Variants in FAM135B observed in about 807,000 individuals in gnomAD.
FAM135B encodes the protein family with sequence similarity 135 member B.
In FAM135B, 43 loss-of-function variants were observed where a neutral mutation model predicts 127.7. That is an observed-to-expected ratio of 0.34 (90% CI 0.26 to 0.43). The LOEUF is 0.43. Among genes scored for constraint, FAM135B ranks in the 20% least tolerant of loss-of-function variants. FAM135B has a pLI of 1.00. For missense variants in FAM135B, 1,558 were observed against 1,725.6 expected (o/e 0.90, Z 1.72); for synonymous variants, 670 against 665.1 (o/e 1.01, Z -0.11).
At chr8:138,392,333 G>A (rs557866139) in intron 1 of FAM135B, among the ~76,000 whole-genome samples, 1 of 152,316 alleles carries the variant, frequency 6.6e-6, no homozygotes, top group Admixed American at 6.5e-5. Flanking sequence ...TGCTTCCTGT[G>A]AAGATAATAG....
intron 1 of FAM135B, among the ~76,000 whole-genome samples, chr8:138,427,891 T>G (rs1278403311): frequency 2.0e-5 from 3 of 152,192 alleles, no homozygotes; most frequent in Non-Finnish European, 4.4e-5. Flanking sequence ...CCCATGGATT[T>G]CTCCACCTGG....
At chr8:138,237,886 A>G (rs4909409) in intron 7 of FAM135B, among the ~76,000 whole-genome samples, 5 of 151,940 alleles carry the variant, frequency 3.3e-5, no homozygotes, top group Admixed American at 3.3e-4. Context: ...CACATTCACA[A>G]ACACACATAT....
At chr8:138,178,889 T>A (rs977912030) in intron 9 of FAM135B, among the ~76,000 whole-genome samples, 199 bp from the exon 10 acceptor site, 1 of 152,132 alleles carries the variant, frequency 6.6e-6, no homozygotes, top group Admixed American at 6.5e-5. Context: ...AAGACAGCAA[T>A]GGCAACAATA....
At chr8:138,318,696 T>C (rs1563893220) in intron 2 of FAM135B, among the ~76,000 whole-genome samples, 1 of 152,220 alleles carries the variant, frequency 6.6e-6, no homozygotes, top group Non-Finnish European at 1.5e-5. Flanking sequence ...ACGTCTCTTT[T>C]ATGGCTGATT....
rs188986491 is a variant in FAM135B at position 138,425,882 on chromosome 8, C to T, written c.-19-57880G>A. 5.1e-3 allele frequency among the ~76,000 whole-genome samples: 774 copies of T among 150,326 alleles called. 6 individuals are homozygous for T. The highest frequency in any genetic ancestry group is 0.018 in the African/African-American group (731 of 41,042). On this transcript the variant is annotated intron_variant, in intron 1 of 19. Coordinates refer to ENST00000395297, the MANE Select transcript of FAM135B (RefSeq NM_015912.4). ...TATACTATGGGGTCTGTCGTGGAGGCTCATGCCTGTAATCTCAGCACTTTG... is the reference window on the plus strand; with the variant it reads ...TATACTATGGGGTCTGTCGTGGAGGTTCATGCCTGTAATCTCAGCACTTTG...
At chr8:138,425,964 C>CATTATATAT in intron 1 of FAM135B, among the ~76,000 whole-genome samples, 1 of 110,008 alleles carries the variant, frequency 9.1e-6, no homozygotes, top group East Asian at 5.4e-4. Context: ...GCCAGGCCAA[C>CATTATATAT]ATATATATAT....
At chr8:138,153,596 C>T (rs887789832) in intron 12 of FAM135B, among the ~76,000 whole-genome samples, 1 of 152,230 alleles carries the variant, frequency 6.6e-6, no homozygotes, top group Non-Finnish European at 1.5e-5. Flanking sequence ...CCTAATACTG[C>T]ACTTTTCCAA....
chr8:138,215,015 A>G (rs956044528), intron 7 of FAM135B, among the ~76,000 whole-genome samples: 1 of 152,236 alleles, frequency 6.6e-6, no homozygotes, highest in African/African-American at 2.4e-5. Flanking sequence ...TAACGTAGAC[A>G]TAAGAGAGAA....
At chr8:138,158,312 A>G (rs867808450) in intron 12 of FAM135B, among the ~76,000 whole-genome samples, 1 of 152,252 alleles carries the variant, frequency 6.6e-6, no homozygotes, top group Non-Finnish European at 1.5e-5. Flanking sequence ...AAGATGGATT[A>G]AAGACTTAAA....
rs748433660 is a variant in FAM135B, at chr8:138,141,345, T to C, written c.3643A>G (p.Ile1215Val). 1 of 1,614,032 alleles carries C rather than the reference T, an allele frequency of 6.2e-7. No individual in the cohort carries two copies. The highest frequency in any genetic ancestry group is 8.5e-7 in the Non-Finnish European group (1 of 1,179,988). Residue 1215 changes from isoleucine (I) to valine (V), a missense_variant, in exon 17 of 20, where the codon ATT becomes GTT. Around this residue, in one of 5 missense-constraint regions of FAM135B, gnomAD observed 194 missense variants for 333.8 expected, o/e 0.58. Coordinates refer to ENST00000395297, the MANE Select transcript of FAM135B (RefSeq NM_015912.4). The surrounding 1 kb of genome is among the most constrained non-coding windows in gnomAD (Gnocchi z 4.7). ...ATGATGTTGCCAAGAGAATGGCCAA[T>C]GAAGCTGTGGAGAAACAGAAGGGGT... ...YNLSISRISF[I>V]GHSLGNIIIR...
chr8:138,393,673 C>G (rs1190858631), intron 1 of FAM135B, among the ~76,000 whole-genome samples: 1 of 152,256 alleles, frequency 6.6e-6, no homozygotes, highest in Non-Finnish European at 1.5e-5. Context: ...CTGGAGCCTT[C>G]AGGCAGTTTA....
intron 2 of FAM135B, among the ~76,000 whole-genome samples, chr8:138,362,181 G>A (rs1830459623): frequency 6.6e-6 from 1 of 151,280 alleles, no homozygotes; most frequent in South Asian, 2.1e-4. Context: ...ATTGACTATA[G>A]TCACTCTGTT....
At chr8:138,202,582 T>C (rs1368710249) in intron 7 of FAM135B, among the ~76,000 whole-genome samples, 1 of 152,192 alleles carries the variant, frequency 6.6e-6, no homozygotes, top group South Asian at 2.1e-4. Flanking sequence ...TTACTACCAA[T>C]GTCACCTTGG....
In FAM135B at chr8:138,241,369, C is replaced by G. The variant is rs1015712953; in HGVS notation, c.669+1573G>C. 6.6e-6 allele frequency among the ~76,000 whole-genome samples: 1 copy of G among 152,214 alleles called. No homozygotes were observed. Among genetic ancestry groups the G allele is most frequent in the African/African-American group, 2.4e-5 (1 of 41,456 alleles). Reference sequence around the variant, plus strand: ...ACCCTGGAACTGGTCTTATTTGGCTCTAAAATCTGCTCCTTCCATGGCACA... The same window carrying G: ...ACCCTGGAACTGGTCTTATTTGGCTGTAAAATCTGCTCCTTCCATGGCACA... On this transcript the variant is annotated intron_variant, in intron 7 of 19. Coordinates refer to ENST00000395297, the MANE Select transcript of FAM135B (RefSeq NM_015912.4). This position sits in a 1 kb window ranked among gnomAD's most constrained non-coding sequence, Gnocchi z 4.8.
intron 4 of FAM135B, among the ~76,000 whole-genome samples, chr8:138,259,097 T>C (rs1822344908): frequency 6.6e-6 from 1 of 152,216 alleles, no homozygotes; most frequent in Admixed American, 6.5e-5. Flanking sequence ...AGGCTCCCTG[T>C]GGTAAAGGCA....
rs200552256 is a variant in FAM135B at position 138,243,737 on chromosome 8, T to A, written c.543-669A>T. Among the ~76,000 whole-genome samples the A allele has an allele frequency of 4.6e-5, 7 of 152,218 alleles. No homozygotes were observed. The highest frequency in any genetic ancestry group is 1.7e-4 in the African/African-American group (7 of 41,468). On this transcript the variant is annotated intron_variant, in intron 6 of 19. Coordinates refer to ENST00000395297, the MANE Select transcript of FAM135B (RefSeq NM_015912.4). The surrounding 1 kb of genome is among the most constrained non-coding windows in gnomAD (Gnocchi z 7.5). ...GGAAAAGATGTGTGATTATTCAAAT[T>A]TATCATATTTGAGTTTATGATCATC...
chr8:138,180,820 TG>T (rs1173336884), intron 9 of FAM135B, among the ~76,000 whole-genome samples: 4 of 152,106 alleles, frequency 2.6e-5, no homozygotes, highest in African/African-American at 7.2e-5. Flanking sequence ...AACCCCAAAA[TG>T]AGGGAATCGC....
At chr8:138,474,410 T>C (rs750243205) in intron 1 of FAM135B, among the ~76,000 whole-genome samples, 43 of 152,080 alleles carry the variant, frequency 2.8e-4, no homozygotes, top group Non-Finnish European at 5.1e-4. Context: ...TGAGAAAAGG[T>C]CAAGAGTTCA....
At chr8:138,316,472 C>T (rs942777594) in intron 2 of FAM135B, among the ~76,000 whole-genome samples, 12 of 151,106 alleles carry the variant, frequency 7.9e-5, no homozygotes, top group African/African-American at 1.5e-4. Flanking sequence ...CCCGCCTGGG[C>T]GACAGAACGA....
Sources: allele counts gnomAD v4.1 joint callset (sites outside exome capture counted in the v4.1 genomes callset), GRCh38; gene constraint gnomAD v4.1.1; regional missense constraint gnomAD v4.1.1; non-coding constraint Gnocchi (gnomAD v3.1); transcripts MANE v1.5; gene names NCBI Gene and HGNC (gene_info 2026-07-23, HGNC 2026-07-21).